DGKI: variants seen among roughly 807,000 people sequenced by gnomAD.
The protein encoded by DGKI is diacylglycerol kinase iota.
In DGKI, 55 loss-of-function variants were observed where a neutral mutation model predicts 147.5. The observed-to-expected ratio is 0.37, with a 90% CI of 0.30 to 0.47. The LOEUF (loss-of-function observed/expected upper bound fraction) is 0.47, where lower values mean the gene tolerates loss of function less well. Ranked by LOEUF, DGKI falls within the 20% of genes least tolerant of loss-of-function variation. DGKI has a pLI of 1.00. For synonymous variants in DGKI, 469 were observed against 477.1 expected, an observed-to-expected ratio of 0.98 and a Z score of 0.22; for missense variants, 1,007 against 1,323.8, an observed-to-expected ratio of 0.76 and a Z score of 3.71.
At chr7:137,478,311 A>T (rs1435075128) in intron 23 of DGKI, among the ~76,000 whole-genome samples, 2 of 152,168 alleles carry the variant, frequency 1.3e-5, no homozygotes, top group African/African-American at 4.8e-5. Context: ...ATAGTCCATA[A>T]ACTTTTTATG....
At chr7:137,785,461 C>A (rs374307276) in intron 1 of DGKI, among the ~76,000 whole-genome samples, 1 of 151,352 alleles carries the variant, frequency 6.6e-6, no homozygotes, top group East Asian at 1.9e-4. Flanking sequence ...TAACAAGCAG[C>A]GTGATTGAAA....
chr7:137,574,145 AT>A (rs1270145128), intron 17 of DGKI, among the ~76,000 whole-genome samples: 17 of 152,020 alleles, frequency 1.1e-4, no homozygotes, highest in Non-Finnish European at 2.5e-4. Flanking sequence ...CAGCACCTGC[AT>A]TTTTTTTCCC....
chr7:137,615,134 G>T (rs950043436), intron 8 of DGKI, among the ~76,000 whole-genome samples: 3 of 152,052 alleles, frequency 2.0e-5, no homozygotes, highest in Admixed American at 6.6e-5. Context: ...CTTGGATGCT[G>T]ACCATGGCTG....
At chr7:137,395,895 A>G (rs1197009343) in intron 31 of DGKI, 198 bp from the exon 32 acceptor site, 1 of 544,154 alleles carries the variant, frequency 1.8e-6, no homozygotes, top group African/African-American at 1.9e-5. Context: ...TGATCATAAT[A>G]TCTGACTCTA....
At chr7:137,745,014 A>G (rs1795282479) in intron 1 of DGKI, among the ~76,000 whole-genome samples, 1 of 152,204 alleles carries the variant, frequency 6.6e-6, no homozygotes, top group Non-Finnish European at 1.5e-5. Context: ...TACTTGGATG[A>G]CAGGATCATT....
At position 137,381,900 on chromosome 7, in the gene DGKI, C is replaced by G. The variant is rs1009073445; in HGVS notation, c.*9320G>C. On this transcript the variant is annotated 3_prime_UTR_variant, in exon 33 of 33. Coordinates refer to ENST00000614521, the MANE Select transcript of DGKI (RefSeq NM_001321708.2). ...CTTTCCCAACTTATAATCGGTAAGT[C>G]AGGGAGAGCATCAAAGTTCTACTTG... 6.6e-6 allele frequency: 1 copy of G among 152,034 alleles called. No homozygotes were observed. The highest frequency in any genetic ancestry group is 1.5e-5 in the Non-Finnish European group (1 of 67,988). 9.4% of individuals were successfully genotyped at this position (152,034 alleles called of 1,614,324 possible).
intron 5 of DGKI, 51 bp from the exon 6 acceptor site, chr7:137,645,588 A>G: frequency 6.6e-7 from 1 of 1,515,806 alleles, no homozygotes; most frequent in Non-Finnish European, 8.9e-7. Context: ...ATTTCTATAG[A>G]CAGGGTCTTG....
intron 1 of DGKI, among the ~76,000 whole-genome samples, chr7:137,801,504 C>T (rs1454926941): frequency 6.6e-6 from 1 of 152,144 alleles, no homozygotes; most frequent in Admixed American, 6.6e-5. Context: ...AGTTTCTAAC[C>T]ATGTGATTTT....
At position 137,720,518 on chromosome 7, in the gene DGKI, A is replaced by G. The variant is rs564831002; in HGVS notation, c.402-30516T>C. On this transcript the variant is annotated intron_variant, in intron 1 of 32. Transcript: ENST00000614521. ...TGTGATCTGCCCGCCTCGGCCTCCC[A>G]AAGTGCTGGGATTACAGGTGTGAGC... is the stretch of plus-strand genomic sequence containing the variant. 1.3e-4 allele frequency among the ~76,000 whole-genome samples: 20 copies of G among 152,204 alleles called. No individual in the cohort carries two copies. In the South Asian group the frequency reaches 4.2e-3, roughly 32 times the overall value.
At chr7:137,460,971 T>C (rs2128924389) in intron 27 of DGKI, among the ~76,000 whole-genome samples, 1 of 152,354 alleles carries the variant, frequency 6.6e-6, no homozygotes, top group East Asian at 1.9e-4. Flanking sequence ...TATATTTTGT[T>C]TCAATCTCTT....
intron 1 of DGKI, among the ~76,000 whole-genome samples, chr7:137,756,624 G>A (rs1563183341): frequency 1.3e-5 from 2 of 152,162 alleles, no homozygotes; most frequent in African/African-American, 4.8e-5. Flanking sequence ...AGTAAACCTA[G>A]TTATTTTCCA....
At chr7:137,690,637 C>A (rs1823570880) in intron 1 of DGKI, among the ~76,000 whole-genome samples, 5 of 152,126 alleles carry the variant, frequency 3.3e-5, no homozygotes, top group Admixed American at 2.6e-4. Flanking sequence ...CCTAAAAACA[C>A]TAATTAGATT....
At chr7:137,478,647 A>T (rs1815262341) in intron 23 of DGKI, among the ~76,000 whole-genome samples, 1 of 152,198 alleles carries the variant, frequency 6.6e-6, no homozygotes, top group Non-Finnish European at 1.5e-5. Flanking sequence ...GGCATCCTCT[A>T]GTCTCTGCAG....
chr7:137,421,765 T>C (rs1168962550), intron 28 of DGKI, among the ~76,000 whole-genome samples: 1 of 152,254 alleles, frequency 6.6e-6, no homozygotes, highest in Non-Finnish European at 1.5e-5. Context: ...ATCCACACTA[T>C]ATCTTTCACT....
chr7:137,442,902 G>C (rs930986361), intron 28 of DGKI, among the ~76,000 whole-genome samples: 1 of 152,174 alleles, frequency 6.6e-6, no homozygotes, highest in Non-Finnish European at 1.5e-5. Flanking sequence ...CTAGAATGTA[G>C]AAAAATATTA....
Position 137,609,006 on chromosome 7 carries a change from G to A in DGKI, c.1127C>T (p.Pro376Leu), listed in dbSNP as rs1365470441. The A allele has an allele frequency of 6.2e-7, 1 of 1,613,674 alleles. No individual in the cohort carries two copies. The part of the protein sequence containing the change: ...IKPISSPLMK[P>L]LLVFVNPKSG... ...CTTGGGATTCACAAATACAAGCAAG[G>A]GTTTCATGAGAGGAGAAGAGATGGG... The change falls in exon 10 of 33, where the codon CCC becomes CTC. Residue 376 changes from proline to leucine, a missense_variant. Transcript: ENST00000614521.
At chr7:137,458,635 A>G (rs1283661391) in intron 27 of DGKI, among the ~76,000 whole-genome samples, 1 of 152,208 alleles carries the variant, frequency 6.6e-6, no homozygotes, top group Non-Finnish European at 1.5e-5. Context: ...AAGAAAACTT[A>G]AGAAGAATAT....
intron 1 of DGKI, among the ~76,000 whole-genome samples, chr7:137,708,177 G>C (rs1435085428): frequency 3.9e-5 from 6 of 152,214 alleles, no homozygotes; most frequent in Admixed American, 3.9e-4. Flanking sequence ...GCCTGGCTAA[G>C]CATATGTTCT....
chr7:137,802,766 A>T (rs568908428), intron 1 of DGKI, among the ~76,000 whole-genome samples: 5 of 152,304 alleles, frequency 3.3e-5, no homozygotes, highest in African/African-American at 1.2e-4. Context: ...CCTTGCTGGG[A>T]AGCTGTTCAT....
Sources: gnomAD v4.1 joint callset for allele counts (sites outside exome capture counted in the v4.1 genomes callset) on GRCh38, gnomAD v4.1.1 for gene constraint, MANE v1.5 for transcripts, NCBI Gene and HGNC (gene_info 2026-07-23, HGNC 2026-07-21) for gene names.